Variants in PTPRF observed in about 807,000 individuals in gnomAD.
PTPRF encodes protein tyrosine phosphatase receptor type F.
In PTPRF, 59 loss-of-function variants were observed where a neutral mutation model predicts 201.8. The ratio of observed to expected loss-of-function variants is 0.29; its 90% CI spans 0.24 to 0.36. The LOEUF (loss-of-function observed/expected upper bound fraction) is 0.36. PTPRF is among the 10% of genes least tolerant of loss of function. The probability of loss-of-function intolerance (pLI) is 1.00; values close to 1 mark genes in which losing one functional copy is unlikely to be tolerated. For synonymous variants in PTPRF, 1,088 were observed against 1,089.7 expected, an observed-to-expected ratio of 1.00 and a Z score of 0.03; for missense variants, 2,132 against 2,690.5, an observed-to-expected ratio of 0.79 and a Z score of 4.59.
Position 43,612,861 on chromosome 1 carries a change from C to T in PTPRF, c.3974-757C>T. 2.3e-6 allele frequency: 3 copies of T among 1,286,602 alleles called. No homozygotes were observed. The Middle Eastern group carries it at 6.5e-4, about 278-fold the overall frequency. The allele number at this position is 1,286,602 out of a possible 1,614,324, so 79.7% of individuals were successfully genotyped here. On this transcript the variant is annotated intron_variant, in intron 22 of 33. Coordinates refer to ENST00000359947, the MANE Select transcript of PTPRF (RefSeq NM_002840.5). ...TTGGCTTCTGTGTCTGTTTCCACTC[C>T]TTACTTTTGTTTACCCCATCGCCTC...
At chr1:43,613,150 T>G (rs1656894687) in intron 22 of PTPRF, 2 of 324,980 alleles carry the variant, frequency 6.2e-6, no homozygotes, top group Admixed American at 4.3e-5. Flanking sequence ...CTATTGTGTC[T>G]GTACTTCATG....
chr1:43,569,910 G>C, intron 6 of PTPRF, 132 bp downstream of exon 6: 1 of 1,038,680 alleles, frequency 9.6e-7, no homozygotes, highest in Non-Finnish European at 1.3e-6. Context: ...GGGGTGGGCT[G>C]GGTCTTACTG....
intron 11 of PTPRF, among the ~76,000 whole-genome samples, chr1:43,594,822 T>C (rs7520493): frequency 0.42 from 64,043 of 152,070 alleles, 13,648 homozygotes; most frequent in East Asian, 0.56. Flanking sequence ...GTGTGCCATC[T>C]ACATGGCAGT....
In PTPRF at chr1:43,554,192, G is replaced by A. The variant is rs1251896394; in HGVS notation, c.379+251G>A. ...CCTGCTGAGCCGGGTCGTTGGTTGG[G>A]TGGGGTCTGGGGTCTGACTTGAGGT... On this transcript the variant is annotated intron_variant, in intron 5 of 33. Coordinates refer to ENST00000359947, the MANE Select transcript of PTPRF (RefSeq NM_002840.5). The surrounding 1 kb of genome is among the most constrained non-coding windows in gnomAD (Gnocchi z 4.1). Among the ~76,000 whole-genome samples the A allele has an allele frequency of 6.6e-6, 1 of 152,206 alleles. No homozygotes were observed. Among genetic ancestry groups the A allele is most frequent in the Non-Finnish European group, 1.5e-5 (1 of 68,046 alleles).
In PTPRF at chr1:43,597,923, C is replaced by A; in HGVS notation, c.1989C>A (p.Ser663Arg). 6.3e-7 allele frequency: 1 copy of A among 1,596,578 alleles called. No homozygotes were observed. Among genetic ancestry groups the A allele is most frequent in the South Asian group, 1.1e-5 (1 of 87,704 alleles). The change falls in exon 12 of 34, where the codon AGC (serine) becomes AGA (arginine). Residue 663 changes from serine to arginine, a missense_variant. By Grantham distance (110) the Ser-to-Arg change is moderately radical. Coordinates refer to ENST00000359947, the MANE Select transcript of PTPRF (RefSeq NM_002840.5). ...DRGRHVVDGI[S>R]REHSSWDLVG... ...GGCGGCATGTGGTGGATGGCATCAG[C>A]CGTGAGCACTCCAGCTGGGACCTGG...
In PTPRF at chr1:43,618,772, A is replaced by G. The variant is rs750473621; in HGVS notation, c.4491+23A>G. On this transcript the variant is annotated intron_variant, in intron 26 of 33. Coordinates refer to ENST00000359947, the MANE Select transcript of PTPRF (RefSeq NM_002840.5). ...AAGGTATAGCCTTTCCCCAGTGCAT[A>G]TCTCTTACCCAGACACTGTAAGGAC... 19 of 1,588,310 alleles carry G rather than the reference A, an allele frequency of 1.2e-5. No homozygotes were observed. In the South Asian group the frequency reaches 1.8e-4, roughly 15 times the overall value.
At chr1:43,607,929 A>G (rs1655535681) in intron 21 of PTPRF, among the ~76,000 whole-genome samples, 2 of 152,220 alleles carry the variant, frequency 1.3e-5, no homozygotes, top group Admixed American at 1.3e-4. Context: ...TTCAGCCCCC[A>G]GCACTGGGCT....
At chr1:43,574,223 G>A (rs961033509) in intron 6 of PTPRF, among the ~76,000 whole-genome samples, 12 of 151,618 alleles carry the variant, frequency 7.9e-5, no homozygotes, top group East Asian at 1.9e-4. Flanking sequence ...CTTGAACTCC[G>A]AACCTCGGGT....
intron 5 of PTPRF, among the ~76,000 whole-genome samples, chr1:43,559,225 G>A (rs1009810617): frequency 1.3e-5 from 2 of 152,124 alleles, no homozygotes; most frequent in Admixed American, 6.5e-5. Flanking sequence ...CGCACAGAAC[G>A]GGGTGTGCAG....
intron 6 of PTPRF, among the ~76,000 whole-genome samples, chr1:43,574,065 C>T (rs1483426551): frequency 7.3e-6 from 1 of 137,916 alleles, no homozygotes; most frequent in Non-Finnish European, 1.5e-5. Flanking sequence ...GGCGCGATCT[C>T]GGCTCATCGC....
At chr1:43,593,346 C>G (rs1040414526) in intron 11 of PTPRF, among the ~76,000 whole-genome samples, 1 of 152,072 alleles carries the variant, frequency 6.6e-6, no homozygotes, top group Non-Finnish European at 1.5e-5. Flanking sequence ...TGACCCTTGT[C>G]TTTGTGGGCG....
chr1:43,527,178 C>T (rs562059516), upstream of PTPRF, among the ~76,000 whole-genome samples: 1 of 152,334 alleles, frequency 6.6e-6, no homozygotes, highest in African/African-American at 2.4e-5. Flanking sequence ...TCTCTCCTCA[C>T]CCTGCACCCT....
At chr1:43,593,381 A>G (rs2367723) in intron 11 of PTPRF, among the ~76,000 whole-genome samples, 63,968 of 151,746 alleles carry the variant, frequency 0.42, 13,616 homozygotes, top group East Asian at 0.56. Flanking sequence ...CTGTAACCGT[A>G]TTTGTGGGTC....
intron 33 of PTPRF, among the ~76,000 whole-genome samples, chr1:43,621,582 T>G (rs1459499598): frequency 1.3e-5 from 2 of 152,086 alleles, no homozygotes; most frequent in Admixed American, 1.3e-4. Flanking sequence ...GATTGATGAG[T>G]AAGATGTGTT....
rs559974488 is a variant in PTPRF at position 43,584,871 on chromosome 1, C to T, written c.680-3860C>T. On this transcript the variant is annotated intron_variant, in intron 7 of 33. Transcript: ENST00000359947. ...AATTTCTCTGAGTGAATGCAGATTG[C>T]GGGGCTGCCTCCCCCTGCGATTAGG... is the stretch of plus-strand genomic sequence containing the variant. 1.4e-4 allele frequency among the ~76,000 whole-genome samples: 22 copies of T among 152,316 alleles called. No individual in the cohort carries two copies. In the South Asian group the frequency reaches 4.1e-3, roughly 29 times the overall value.
Position 43,605,617 on chromosome 1 carries a change from G to A in PTPRF, c.3478G>A (p.Asp1160Asn), listed in dbSNP as rs780748743. Reference protein sequence around the residue: ...RWSTPEELELDELLEAIEQGG... With the variant: ...RWSTPEELELNELLEAIEQGG... ...GAGCACACCCGAGGAACTGGAGCTGGACGAGGTACCTGGGGAGGGGATGGG... is the reference window on the plus strand; with the variant it reads ...GAGCACACCCGAGGAACTGGAGCTGAACGAGGTACCTGGGGAGGGGATGGG... Residue 1160 changes from aspartate to asparagine, a missense_variant, in exon 19 of 34, where the codon GAC becomes AAC. Physicochemically the swap from Asp to Asn is conservative, Grantham distance 23 (BLOSUM62 1). Transcript: ENST00000359947. 3 of 1,614,074 alleles carry A rather than the reference G, an allele frequency of 1.9e-6. No homozygotes were observed. The highest frequency in any genetic ancestry group is 2.2e-5 in the East Asian group (1 of 44,882).
rs778580633 is a variant in PTPRF at position 43,603,566 on chromosome 1, G to A, written c.2458+33G>A. ...AGGGGTCAGGACGGACCTGAGGGTG[G>A]GGCAGCAGGAGGGCAGCGCCAGAGC... is the stretch of plus-strand genomic sequence containing the variant. On this transcript the variant is annotated intron_variant, in intron 15 of 33. Transcript: ENST00000359947. The surrounding 1 kb of genome is among the most constrained non-coding windows in gnomAD (Gnocchi z 5.8). 1 of 1,612,942 alleles carries A rather than the reference G, an allele frequency of 6.2e-7. No homozygotes were observed. Among genetic ancestry groups the A allele is most frequent in the East Asian group, 2.2e-5 (1 of 44,864 alleles).
chr1:43,605,718 A>G, intron 19 of PTPRF, 96 bp downstream of exon 19: 1 of 1,192,656 alleles, frequency 8.4e-7, no homozygotes, highest in Non-Finnish European at 1.2e-6. Context: ...TCTCAGATTC[A>G]CTCCCCAAAT....
At chr1:43,598,623 A>C (rs577335973) in intron 12 of PTPRF, 97 bp from the exon 13 acceptor site, 204 of 1,113,330 alleles carry the variant, frequency 1.8e-4, no homozygotes, top group Admixed American at 9.6e-4. Context: ...TTCCTGGGGG[A>C]GTGGGGTGCT....
Sources: gnomAD v4.1 joint callset for allele counts (sites outside exome capture counted in the v4.1 genomes callset) on GRCh38, gnomAD v4.1.1 for gene constraint, Gnocchi (gnomAD v3.1) non-coding constraint, MANE v1.5 for transcripts, NCBI Gene and HGNC (gene_info 2026-07-23, HGNC 2026-07-21) for gene names.